VPS13C: variants seen among roughly 807,000 people sequenced by gnomAD.
The protein encoded by VPS13C is vacuolar protein sorting 13 homolog C.
A neutral mutation model predicts 456.8 loss-of-function variants in VPS13C; 358 were observed. That is an observed-to-expected ratio of 0.78 (90% CI 0.72 to 0.86). VPS13C has a LOEUF of 0.86. Ranked by LOEUF, VPS13C falls within the 40% of genes least tolerant of loss-of-function variation. The pLI is 0.00. For synonymous variants in VPS13C, 1,578 were observed against 1,486.7 expected (o/e 1.06, Z -1.41); for missense variants, 4,818 against 4,385.4 (o/e 1.10, Z -2.79).
rs1438093721 is a variant in VPS13C, at chr15:61,977,140, T to G, written c.2350A>C (p.Met784Leu). ...TTAGCCAACTCAACATGAATATCCATGGGTTGCAATATATGCATAGTTGAT... is the reference window on the plus strand; with the variant it reads ...TTAGCCAACTCAACATGAATATCCAGGGGTTGCAATATATGCATAGTTGAT... ...HPSTMHILQP[M>L]DIHVELAKAM... is the part of the protein sequence containing the mutation. Residue 784 changes from methionine to leucine, a missense_variant, in exon 24 of 85, where the codon ATG (methionine) becomes CTG (leucine). Met to Leu is a conservative substitution (Grantham distance 15). Around this residue, in one of 3 missense-constraint regions of VPS13C, gnomAD observed 4,552 missense variants for 4,130.6 expected, o/e 1.10. Transcript: ENST00000644861. 1.9e-6 allele frequency: 3 copies of G among 1,599,424 alleles called. No individual in the cohort carries two copies. The highest frequency in any genetic ancestry group is 2.3e-5 in the East Asian group (1 of 43,752).
chr15:61,925,157 A>C (rs2043804119), intron 53 of VPS13C, among the ~76,000 whole-genome samples: 1 of 151,046 alleles, frequency 6.6e-6, no homozygotes, highest in Admixed American at 6.6e-5. Context: ...TTCTCTTCCC[A>C]CCCCATATCT....
At chr15:61,940,208 C>A (rs183944626) in intron 47 of VPS13C, among the ~76,000 whole-genome samples, 46 of 152,242 alleles carry the variant, frequency 3.0e-4, no homozygotes, top group African/African-American at 9.1e-4. Context: ...TACTAAGGTG[C>A]TTTGAATGTA....
intron 16 of VPS13C, among the ~76,000 whole-genome samples, chr15:61,996,280 T>C (rs776937758): frequency 7.9e-5 from 12 of 152,118 alleles, no homozygotes; most frequent in Non-Finnish European, 1.3e-4. Context: ...CAAACTTACA[T>C]ACCAAAGGTT....
chr15:61,868,736 G>A lies in VPS13C; in HGVS notation c.10786C>T (p.Pro3596Ser), dbSNP rs751398340. The change falls in exon 81 of 85, where the codon CCC (proline) becomes TCC (serine). Residue 3596 changes from proline (P) to serine (S), a missense_variant. Transcript: ENST00000644861. ...CCATCTTCATGGATCAGGCGAGGGG[G>A]ACGGAGGCTAGATACTTCCTCAGTT... Reference protein sequence around the residue: ...ESTEEVSSLRPPRLIHEDGII... With the variant: ...ESTEEVSSLRSPRLIHEDGII... 1.2e-6 allele frequency: 2 copies of A among 1,614,088 alleles called. No homozygotes were observed. Among genetic ancestry groups the A allele is most frequent in the East Asian group, 2.2e-5 (1 of 44,864 alleles).
At chr15:61,964,970 C>G (rs2045333450) in intron 30 of VPS13C, 109 bp from the exon 31 acceptor site, 1 of 998,794 alleles carries the variant, frequency 1.0e-6, no homozygotes, top group Admixed American at 2.8e-5. Context: ...TGCTTTCCAC[C>G]ACTCTGAAGG....
rs960721741 is a variant in VPS13C, at chr15:61,979,146, T to C, written c.2167-397A>G. On this transcript the variant is annotated intron_variant, in intron 22 of 84. Coordinates refer to ENST00000644861, the MANE Select transcript of VPS13C (RefSeq NM_020821.3). ...CCTTCTCCGCACTATACCACAGGAA[T>C]AAAATTAGGCCACTATAATTCAGCT... Among the ~76,000 whole-genome samples the C allele has an allele frequency of 3.3e-5, 5 of 152,254 alleles. No individual in the cohort carries two copies. In the South Asian group the frequency reaches 1.0e-3, roughly 32 times the overall value.
At chr15:62,007,706 A>G (rs1363854085) in intron 14 of VPS13C, among the ~76,000 whole-genome samples, 1 of 152,230 alleles carries the variant, frequency 6.6e-6, no homozygotes, top group Non-Finnish European at 1.5e-5. Flanking sequence ...AAGGCACAAA[A>G]CGACATGTGG....
intron 48 of VPS13C, among the ~76,000 whole-genome samples, chr15:61,934,789 T>G (rs2044170546): frequency 6.6e-6 from 1 of 152,128 alleles, no homozygotes; most frequent in Non-Finnish European, 1.5e-5. Flanking sequence ...CTCGCTGTGT[T>G]GCCCAGGCTG....
intron 1 of VPS13C, among the ~76,000 whole-genome samples, chr15:62,048,179 T>G (rs1255032678): frequency 6.6e-6 from 1 of 151,486 alleles, no homozygotes; most frequent in Non-Finnish European, 1.5e-5. Context: ...TATGTATACA[T>G]GTGCCATGTT....
chr15:62,007,295 A>T lies in VPS13C; in HGVS notation c.1290+13T>A. 1 of 1,588,532 alleles carries T rather than the reference A, an allele frequency of 6.3e-7. No homozygotes were observed. The highest frequency in any genetic ancestry group is 8.6e-7 in the Non-Finnish European group (1 of 1,166,190). On this transcript the variant is annotated intron_variant, in intron 15 of 84. Transcript: ENST00000644861. ...GACAAATAATAGCTCTCACTAATAT[A>T]TGCAAGATATACCTGAATTTCTTTC...
intron 82 of VPS13C, among the ~76,000 whole-genome samples, chr15:61,859,729 T>C (rs558567456): frequency 5.3e-5 from 8 of 152,262 alleles, no homozygotes; most frequent in African/African-American, 1.9e-4. Context: ...TTAGCACCTA[T>C]CACACGGTGA....
At chr15:61,947,335 T>C (rs1451708626) in intron 42 of VPS13C, 26 bp from the exon 43 acceptor site, 1 of 1,517,386 alleles carries the variant, frequency 6.6e-7, no homozygotes, top group Non-Finnish European at 9.1e-7. Context: ...AACCTTCTGA[T>C]GAGCAAAGGG....
At chr15:62,030,935 C>T (rs2047795002) in intron 5 of VPS13C, among the ~76,000 whole-genome samples, 2 of 152,024 alleles carry the variant, frequency 1.3e-5, no homozygotes, top group Non-Finnish European at 1.5e-5. Context: ...AGTGTGTGTA[C>T]ATATTACTTT....
intron 1 of VPS13C, among the ~76,000 whole-genome samples, chr15:62,048,333 T>C (rs1362579327): frequency 1.5e-5 from 2 of 136,128 alleles, no homozygotes; most frequent in East Asian, 2.4e-4. Flanking sequence ...AGTTCCCACC[T>C]ATGAGTGAGA....
chr15:62,015,960 CAAAAAAAAA>C (rs67786303), intron 9 of VPS13C, among the ~76,000 whole-genome samples: 1,146 of 72,452 alleles, frequency 0.016, 30 homozygotes, highest in African/African-American at 0.052. Flanking sequence ...AAAAGAAGTC[CAAAAAAAAA>C]AAAAAAAAAA....
intron 66 of VPS13C, among the ~76,000 whole-genome samples, chr15:61,905,817 TG>T (rs2043138063): frequency 6.6e-6 from 1 of 152,148 alleles, no homozygotes; most frequent in South Asian, 2.1e-4. Context: ...TAGGATTAAA[TG>T]GGATATAAAT....
intron 66 of VPS13C, among the ~76,000 whole-genome samples, chr15:61,896,983 C>G (rs1305128425): frequency 1.3e-5 from 2 of 152,264 alleles, no homozygotes; most frequent in Non-Finnish European, 2.9e-5. Context: ...CACCCCCCAA[C>G]AGGGGCACAG....
rs769177097 is a variant in VPS13C at position 61,919,366 on chromosome 15, T to G, written c.7561A>C (p.Ser2521Arg). ...TGTACCAAGACAGAGTCAGAATGACTGGCATTGGGATTCCGTACATTATAC... is the reference window on the plus strand; with the variant it reads ...TGTACCAAGACAGAGTCAGAATGACGGGCATTGGGATTCCGTACATTATAC... ...RLYNVRNPNA[S>R]HSDSVLVQID... Residue 2521 changes from serine to arginine, a missense_variant, in exon 58 of 85, where the codon AGT becomes CGT. Coordinates refer to ENST00000644861, the MANE Select transcript of VPS13C (RefSeq NM_020821.3). 51 of 1,605,090 alleles carry G rather than the reference T, an allele frequency of 3.2e-5. No homozygotes were observed. Among genetic ancestry groups the G allele is most frequent in the Non-Finnish European group, 4.3e-5 (50 of 1,176,342 alleles).
At chr15:61,965,734 T>A (rs2045356860) in intron 30 of VPS13C, among the ~76,000 whole-genome samples, 1 of 151,864 alleles carries the variant, frequency 6.6e-6, no homozygotes. Context: ...ACATGTCTCC[T>A]TATATTTTAT....
Sources: allele counts gnomAD v4.1 joint callset (sites outside exome capture counted in the v4.1 genomes callset), GRCh38; gene constraint gnomAD v4.1.1; regional missense constraint gnomAD v4.1.1; transcripts MANE v1.5; gene names NCBI Gene and HGNC (gene_info 2026-07-23, HGNC 2026-07-21).